The following ATP5F1A variants were observed in gnomAD, a reference collection of about 807,000 sequenced individuals.
ATP5F1A encodes the protein ATP synthase F(1) complex subunit alpha, mitochondrial.
In ATP5F1A, 24 loss-of-function variants were observed where a neutral mutation model predicts 57.4. The ratio of observed to expected loss-of-function variants is 0.42; its 90% confidence interval spans 0.30 to 0.59. The LOEUF (loss-of-function observed/expected upper bound fraction) is 0.59, where lower values mean the gene tolerates loss of function less well. Ranked by LOEUF, ATP5F1A falls within the 20% of genes least tolerant of loss-of-function variation. The pLI is 0.19. For synonymous variants in ATP5F1A, 251 were observed against 255.5 expected (o/e 0.98, Z 0.17); for missense variants, 494 against 707.9 (o/e 0.70, Z 3.43).
At chr18:46,090,147 A>T in intron 3 of ATP5F1A, 151 bp from the exon 4 acceptor site, 1 of 676,420 alleles carries the variant, frequency 1.5e-6, no homozygotes, top group Non-Finnish European at 2.4e-6. Flanking sequence ...TCCAACTAAC[A>T]AACAACCCTC....
rs1909723320 is a variant in ATP5F1A at position 46,081,238 on chromosome 18, G to A, written c.*3044C>T. 2 of 149,866 alleles carry A rather than the reference G, an allele frequency of 1.3e-5. No homozygotes were observed. Among genetic ancestry groups the A allele is most frequent in the Non-Finnish European group, 3.0e-5 (2 of 67,680 alleles). 9.3% of individuals were successfully genotyped at this position (149,866 alleles called of 1,614,324 possible). ...GTTGTCTTCATTTGAGAAGTTTATT[G>A]AGCATTTACGTGCCAGGAGTGGGCT... On this transcript the variant is annotated 3_prime_UTR_variant, in exon 12 of 12. Transcript: ENST00000398752.
intron 1 of ATP5F1A, among the ~76,000 whole-genome samples, chr18:46,103,748 T>C (rs1911362935): frequency 6.6e-6 from 1 of 151,706 alleles, no homozygotes; most frequent in African/African-American, 2.4e-5. Flanking sequence ...ACCCCGTCTC[T>C]ACTAAAAACA....
Position 46,087,741 on chromosome 18 carries a change from G to A in ATP5F1A, c.800-249C>T, listed in dbSNP as rs111521696. The A allele has an allele frequency of 0.018, 8,626 of 467,522 alleles. 558 individuals are homozygous for A. Among genetic ancestry groups the A allele is most frequent in the African/African-American group, 0.14 (7,293 of 51,044 alleles). 29.0% of individuals were successfully genotyped at this position (467,522 alleles called of 1,614,324 possible). On this transcript the variant is annotated intron_variant, in intron 6 of 11. Coordinates refer to ENST00000398752, the MANE Select transcript of ATP5F1A (RefSeq NM_004046.6). ...CTAAAAATACAAAAATTAGCCGGAC[G>A]TGGTGGCATGCACCTGTAATCCCAG...
At position 46,091,800 on chromosome 18, in the gene ATP5F1A, G is replaced by C. The variant is rs141714299; in HGVS notation, c.191C>G (p.Thr64Ser). ...CCCAGTTTCTTCAAGATCAACAGAG[G>C]TATCAGCTCCAAGAATACGCTCTTC... ...ILEERILGAD[T>S]SVDLEETGRV... is the part of the protein sequence containing the mutation. Residue 64 changes from threonine (T) to serine (S), a missense_variant, in exon 3 of 12, where the codon ACC (threonine) becomes AGC (serine). Thr to Ser is a moderately conservative substitution (Grantham distance 58). Transcript: ENST00000398752. 2.0e-5 allele frequency: 33 copies of C among 1,613,768 alleles called. No homozygotes were observed. The African/African-American group carries it at 2.7e-4, about 13-fold the overall frequency.
rs1910261389 is a variant in ATP5F1A at position 46,088,139 on chromosome 18, CA to C, written c.768del (p.Ala257ProfsTer4). The C allele has an allele frequency of 6.2e-7, 1 of 1,600,452 alleles. No individual in the cohort carries two copies. The highest frequency in any genetic ancestry group is 1.8e-5 in the Admixed American group (1 of 55,276). ...YVAIGQKRST[V>X]AQLVKRLTDA... ...TCTGTAAGTCTCTTCACCAACTGGG[CA>C]ACAGTGGATCTCTTTTGACCAATAG... On this transcript the variant is annotated frameshift_variant, in exon 6 of 12. Transcript: ENST00000398752. LOFTEE classifies it high-confidence loss of function.
Position 46,091,760 on chromosome 18 carries a change from A to G in ATP5F1A, c.231T>C (p.Ile77=), listed in dbSNP as rs772788166. 6 of 1,613,800 alleles carry G rather than the reference A, an allele frequency of 3.7e-6. No individual in the cohort carries two copies. The highest frequency in any genetic ancestry group is 1.3e-5 in the African/African-American group (1 of 74,874). The change falls in exon 3 of 12, where the codon ATT becomes ATC. Residue 77 remains isoleucine, a synonymous_variant. Coordinates refer to ENST00000398752, the MANE Select transcript of ATP5F1A (RefSeq NM_004046.6). ...DLEETGRVLS[I]GDGIARVHGL... is the part of the protein sequence containing the mutation. ...CATGTACGCGGGCAATACCATCACC[A>G]ATACTTAAGACACGCCCAGTTTCTT...
chr18:46,093,640 A>G (rs1227944462), intron 2 of ATP5F1A, among the ~76,000 whole-genome samples: 23 of 152,150 alleles, frequency 1.5e-4, no homozygotes, highest in South Asian at 2.1e-4. Flanking sequence ...CCAGGCCAAC[A>G]TGGCGAAACT....
At chr18:46,103,443 T>A (rs1360094247) in intron 1 of ATP5F1A, among the ~76,000 whole-genome samples, 1 of 146,990 alleles carries the variant, frequency 6.8e-6, no homozygotes, top group African/African-American at 2.5e-5. Flanking sequence ...TTTACTAAGA[T>A]ACAAAAAATT....
intron 6 of ATP5F1A, chr18:46,087,800 A>G (rs1910237274): frequency 2.3e-6 from 1 of 435,830 alleles, no homozygotes; most frequent in South Asian, 2.8e-5. Context: ...GAATCGCTTG[A>G]ACCCAGGAGG....
At chr18:46,090,092 G>GGGGGGGT in intron 3 of ATP5F1A, 96 bp from the exon 4 acceptor site, 1 of 512,012 alleles carries the variant, frequency 2.0e-6, no homozygotes, top group Non-Finnish European at 3.1e-6. Context: ...GGGTGGGGGG[G>GGGGGGGT]GAAGCAGTAT....
At position 46,084,339 on chromosome 18, in the gene ATP5F1A, T is replaced by C. The variant is rs1909928285; in HGVS notation, c.1605A>G (p.Gln535=). ...TIRADGKISE[Q]SDAKLKEIVT... is the part of the protein sequence containing the mutation. ...CAATCTCTTTCAGCTTTGCATCTGA[T>C]TGTTCTGAGATCTTTCCATCAGCCC... Residue 535 remains glutamine, a synonymous_variant, in exon 12 of 12, where the codon CAA becomes CAG. Coordinates refer to ENST00000398752, the MANE Select transcript of ATP5F1A (RefSeq NM_004046.6). 1.1e-5 allele frequency: 18 copies of C among 1,613,592 alleles called. No individual in the cohort carries two copies. The highest frequency in any genetic ancestry group is 1.7e-5 in the Admixed American group (1 of 59,940).
At chr18:46,087,253 G>A in intron 7 of ATP5F1A, 21 bp from the exon 8 acceptor site, 1 of 1,612,518 alleles carries the variant, frequency 6.2e-7, no homozygotes, top group Non-Finnish European at 8.5e-7. Context: ...GAATAGGTTT[G>A]TGAAGTTAAC....
At position 46,086,422 on chromosome 18, in the gene ATP5F1A, C is replaced by G; in HGVS notation, c.1249G>C (p.Val417Leu). 6.2e-7 allele frequency: 1 copy of G among 1,614,114 alleles called. No individual in the cohort carries two copies. Among genetic ancestry groups the G allele is most frequent in the Non-Finnish European group, 8.5e-7 (1 of 1,180,036 alleles). ...AINVGLSVSR[V>L]GSAAQTRAMK... is the part of the protein sequence containing the mutation. Reference sequence around the variant, plus strand: ...GCCCTGGTTTGGGCAGCGGATCCGACACGAGATACAGACAGACCAACGTTA... The same window carrying G: ...GCCCTGGTTTGGGCAGCGGATCCGAGACGAGATACAGACAGACCAACGTTA... Residue 417 changes from valine (V) to leucine (L), a missense_variant, in exon 9 of 12, where the codon GTC becomes CTC. Transcript: ENST00000398752.
At chr18:46,098,021 C>G (rs1911093594) in intron 1 of ATP5F1A, 151 bp downstream of exon 1, 1 of 1,423,780 alleles carries the variant, frequency 7.0e-7, no homozygotes, top group African/African-American at 1.5e-5. Context: ...GCACCTGTGT[C>G]GCCTGCTCTG....
chr18:46,083,616 C>G lies in ATP5F1A; in HGVS notation c.*666G>C, dbSNP rs1244034808. On this transcript the variant is annotated 3_prime_UTR_variant, in exon 12 of 12. Transcript: ENST00000398752. ...TCTGGGCAGAGAAGCCAGCTATGCT[C>G]TTCAGTATTGTCAGCCTGCCACATA... 1 of 152,212 alleles carries G rather than the reference C, an allele frequency of 6.6e-6. No individual in the cohort carries two copies. Among genetic ancestry groups the G allele is most frequent in the Non-Finnish European group, 1.5e-5 (1 of 68,080 alleles). The allele number at this position is 152,212 out of a possible 1,614,324, so 9.4% of individuals were successfully genotyped here.
chr18:46,087,898 T>G, intron 6 of ATP5F1A: 1 of 554,328 alleles, frequency 1.8e-6, no homozygotes, highest in South Asian at 2.6e-5. Flanking sequence ...AAAAAAAGAG[T>G]TAATCAGAAT....
chr18:46,091,769 G>C lies in ATP5F1A; in HGVS notation c.222C>G (p.Val74=). 1 of 1,613,812 alleles carries C rather than the reference G, an allele frequency of 6.2e-7. No individual in the cohort carries two copies. Among genetic ancestry groups the C allele is most frequent in the Non-Finnish European group, 8.5e-7 (1 of 1,179,966 alleles). Residue 74 remains valine, a synonymous_variant, in exon 3 of 12, where the codon GTC becomes GTG. Transcript: ENST00000398752. ...TSVDLEETGR[V]LSIGDGIARV... ...GGGCAATACCATCACCAATACTTAA[G>C]ACACGCCCAGTTTCTTCAAGATCAA...
chr18:46,081,289 A>G lies in ATP5F1A; in HGVS notation c.*2993T>C, dbSNP rs1217799193. On this transcript the variant is annotated 3_prime_UTR_variant, in exon 12 of 12. Coordinates refer to ENST00000398752, the MANE Select transcript of ATP5F1A (RefSeq NM_004046.6). ...ACGAGATCCAGTCAACAAACAAACA[A>G]TACATACTCCCAGTAATAAATTAAT... 6.6e-6 allele frequency: 1 copy of G among 151,416 alleles called. No individual in the cohort carries two copies. Among genetic ancestry groups the G allele is most frequent in the Non-Finnish European group, 1.5e-5 (1 of 67,946 alleles). 9.4% of individuals were successfully genotyped at this position (151,416 alleles called of 1,614,324 possible). A position where few individuals can be genotyped will look rare whatever the true frequency, so the allele number is the denominator to read the frequency against.
upstream of ATP5F1A, among the ~76,000 whole-genome samples, chr18:46,102,499 T>G (rs1911305585): frequency 6.6e-6 from 1 of 152,002 alleles, no homozygotes; most frequent in African/African-American, 2.4e-5. Flanking sequence ...AATTTTTGTA[T>G]TTTTAGTAGA....
Sources: allele counts gnomAD v4.1 joint callset (sites outside exome capture counted in the v4.1 genomes callset), GRCh38; gene constraint gnomAD v4.1.1; transcripts MANE v1.5; gene names NCBI Gene and HGNC (gene_info 2026-07-23, HGNC 2026-07-21).